MTBP: variants seen among roughly 807,000 people sequenced by gnomAD.
MTBP encodes MDM2 binding protein.
Under a neutral mutation model 117.0 loss-of-function variants are expected in MTBP, and 101 were observed. The observed-to-expected ratio is 0.86, with a 90% CI of 0.73 to 1.02. The LOEUF is 1.02. Ranked by LOEUF, MTBP falls within the 50% of genes least tolerant of loss-of-function variation. MTBP has a pLI of 0.00. For synonymous variants in MTBP, 350 were observed against 351.5 expected, an observed-to-expected ratio of 1.00 and a Z score of 0.05; for missense variants, 970 against 1,030.9, an observed-to-expected ratio of 0.94 and a Z score of 0.81.
At chr8:120,446,675 C>A (rs1053741115) in intron 2 of MTBP, among the ~76,000 whole-genome samples, 162 bp downstream of exon 2, 1 of 152,094 alleles carries the variant, frequency 6.6e-6, no homozygotes, top group Non-Finnish European at 1.5e-5. Flanking sequence ...AAATAAATTA[C>A]CCCTTTCTTC....
At chr8:120,495,440 C>T (rs535602947) in intron 13 of MTBP, among the ~76,000 whole-genome samples, 2 of 152,102 alleles carry the variant, frequency 1.3e-5, no homozygotes, top group African/African-American at 2.4e-5. Flanking sequence ...TCCCCACCAG[C>T]CCCATTTATT....
intron 20 of MTBP, among the ~76,000 whole-genome samples, chr8:120,519,257 A>G (rs916815455): frequency 2.0e-5 from 3 of 151,726 alleles, no homozygotes; most frequent in Admixed American, 2.0e-4. Flanking sequence ...GAAAATGTGC[A>G]TAGGATATAT....
chr8:120,458,432 C>T (rs1169936413), intron 7 of MTBP, among the ~76,000 whole-genome samples: 1 of 152,118 alleles, frequency 6.6e-6, no homozygotes, highest in Admixed American at 6.5e-5. Flanking sequence ...TGTTGTTGTG[C>T]CTACCATTAC....
In MTBP at chr8:120,523,623, A is replaced by T. The variant is rs1169360681; in HGVS notation, c.*287A>T. On this transcript the variant is annotated 3_prime_UTR_variant, in exon 22 of 22. Transcript: ENST00000305949. ...TTATTTAATTATTACAATAAACAGA[A>T]TTTTTTTTTTTTACTTTTTGGATTT... 2 of 162,808 alleles carry T rather than the reference A, an allele frequency of 1.2e-5. No homozygotes were observed. Among genetic ancestry groups the T allele is most frequent in the African/African-American group, 2.4e-5 (1 of 41,076 alleles). The allele number at this position is 162,808 out of a possible 1,614,324, so 10.1% of individuals were successfully genotyped here. A position where few individuals can be genotyped will look rare whatever the true frequency, so the allele number is the denominator to read the frequency against.
chr8:120,475,249 A>G (rs1173168432), intron 11 of MTBP, among the ~76,000 whole-genome samples: 1 of 151,926 alleles, frequency 6.6e-6, no homozygotes, highest in Non-Finnish European at 1.5e-5. Context: ...CCTCTTATTC[A>G]TCTTCCTAGC....
intron 13 of MTBP, among the ~76,000 whole-genome samples, chr8:120,492,432 A>G (rs1333067289): frequency 6.6e-6 from 1 of 152,238 alleles, no homozygotes; most frequent in Non-Finnish European, 1.5e-5. Flanking sequence ...ATATAAAAGT[A>G]CTTAAAGTAA....
chr8:120,503,684 A>G (rs1814630476), intron 15 of MTBP, among the ~76,000 whole-genome samples: 3 of 152,188 alleles, frequency 2.0e-5, no homozygotes, highest in Non-Finnish European at 2.9e-5. Flanking sequence ...TTCTTACGGC[A>G]AATAAATTGC....
intron 14 of MTBP, among the ~76,000 whole-genome samples, chr8:120,499,617 A>G (rs1005193377): frequency 6.6e-6 from 1 of 152,220 alleles, no homozygotes; most frequent in Admixed American, 6.5e-5. Context: ...CCAATTAGAT[A>G]TCATATTCTG....
chr8:120,450,875 C>T, intron 2 of MTBP, 128 bp from the exon 3 acceptor site: 1 of 565,732 alleles, frequency 1.8e-6, no homozygotes, highest in Non-Finnish European at 2.9e-6. Context: ...TTAAAAGATC[C>T]ACATATGTAT....
rs1814950679 is a variant in MTBP, at chr8:120,518,013, T to C, written c.2409T>C (p.Ala803=). 1.2e-6 allele frequency: 2 copies of C among 1,612,766 alleles called. No homozygotes were observed. The highest frequency in any genetic ancestry group is 2.2e-5 in the East Asian group (1 of 44,856). ...CTAGCTGTGAAACTCCAAAACTTGC[T>C]ACAAAGACCAGTTCAGGTCAAAAAA... ...PIPSCETPKL[A]TKTSSGQKSM... is the part of the protein sequence containing the mutation. The change falls in exon 19 of 22, where the codon GCT becomes GCC. Residue 803 remains alanine (A), a synonymous_variant. Coordinates refer to ENST00000305949, the MANE Select transcript of MTBP (RefSeq NM_022045.5).
At chr8:120,506,605 C>T in intron 15 of MTBP, 101 bp from the exon 16 acceptor site, 1 of 882,484 alleles carries the variant, frequency 1.1e-6, no homozygotes, top group Non-Finnish European at 1.6e-6. Flanking sequence ...GGTTTCTGCT[C>T]ACATCTTCTT....
At chr8:120,457,331 T>C (rs1031437355) in intron 7 of MTBP, among the ~76,000 whole-genome samples, 8 of 152,200 alleles carry the variant, frequency 5.3e-5, no homozygotes, top group Non-Finnish European at 1.0e-4. Context: ...TTCATAGTAA[T>C]TTATGTATTT....
intron 15 of MTBP, among the ~76,000 whole-genome samples, chr8:120,504,519 A>G (rs1395456102): frequency 1.3e-5 from 2 of 152,148 alleles, no homozygotes; most frequent in East Asian, 3.9e-4. Flanking sequence ...GAGAAGTCTG[A>G]TGCCACATCG....
chr8:120,505,012 T>C (rs1359461292), intron 15 of MTBP, among the ~76,000 whole-genome samples: 1 of 152,194 alleles, frequency 6.6e-6, no homozygotes, highest in Admixed American at 6.5e-5. Context: ...AAATTTGTTT[T>C]ATCTGTTTCT....
chr8:120,493,586 G>A (rs1814393038), intron 13 of MTBP, among the ~76,000 whole-genome samples: 1 of 151,876 alleles, frequency 6.6e-6, no homozygotes, highest in Non-Finnish European at 1.5e-5. Flanking sequence ...CACCTCCCAA[G>A]TTCAAGTGAT....
At chr8:120,509,596 C>T (rs1040322187) in intron 16 of MTBP, among the ~76,000 whole-genome samples, 4 of 151,982 alleles carry the variant, frequency 2.6e-5, no homozygotes, top group Non-Finnish European at 5.9e-5. Flanking sequence ...AGTGAGACTC[C>T]GTCCCCACCG....
intron 16 of MTBP, among the ~76,000 whole-genome samples, chr8:120,508,103 A>T (rs1014370348): frequency 3.3e-5 from 5 of 152,184 alleles, no homozygotes; most frequent in Admixed American, 3.3e-4. Context: ...AAAGAACTGC[A>T]TGGCTATCAA....
At chr8:120,511,585 G>A (rs533034309) in intron 17 of MTBP, among the ~76,000 whole-genome samples, 82 of 152,146 alleles carry the variant, frequency 5.4e-4, no homozygotes, top group African/African-American at 1.9e-3. Flanking sequence ...ATGAGCCACC[G>A]CACCCACCCC....
chr8:120,512,876 G>A (rs761908173), intron 17 of MTBP, among the ~76,000 whole-genome samples: 5 of 151,978 alleles, frequency 3.3e-5, no homozygotes, highest in Non-Finnish European at 7.4e-5. Flanking sequence ...TTATGGTGTA[G>A]AAACAAAGTC....
Sources: allele counts gnomAD v4.1 joint callset (sites outside exome capture counted in the v4.1 genomes callset), GRCh38; gene constraint gnomAD v4.1.1; transcripts MANE v1.5; gene names NCBI Gene and HGNC (gene_info 2026-07-23, HGNC 2026-07-21).